Variants in ARID1B observed in about 807,000 individuals in gnomAD.
ARID1B encodes the protein AT-rich interactive domain-containing protein 1B.
Under a neutral mutation model 212.3 loss-of-function variants are expected in ARID1B, and 30 were observed. The observed-to-expected ratio is 0.14, with a 90% CI of 0.11 to 0.19. The LOEUF is 0.19. ARID1B is among the 10% of genes least tolerant of loss of function. ARID1B has a pLI of 1.00. For missense variants in ARID1B, 2,891 were observed against 3,204.0 expected (o/e 0.90, Z 2.36); for synonymous variants, 1,402 against 1,301.7 (o/e 1.08, Z -1.66).
intron 4 of ARID1B, among the ~76,000 whole-genome samples, chr6:157,054,690 G>A (rs57209207): frequency 0.033 from 5,019 of 152,234 alleles, 270 homozygotes; most frequent in African/African-American, 0.11. Context: ...GCTGTGAAAG[G>A]CAAAAGAACC....
chr6:156,957,479 C>T (rs944497386), intron 4 of ARID1B, among the ~76,000 whole-genome samples: 4 of 151,966 alleles, frequency 2.6e-5, no homozygotes, highest in African/African-American at 9.7e-5. Flanking sequence ...TCCTGGCTGC[C>T]AGGACCACCG....
intron 13 of ARID1B, among the ~76,000 whole-genome samples, chr6:157,187,773 A>AT (rs1302638044): frequency 1.3e-5 from 2 of 151,674 alleles, no homozygotes; most frequent in Non-Finnish European, 2.9e-5. Context: ...GAAAAAAAAA[A>AT]CACTGGCAAG....
At chr6:156,929,142 G>A (rs1248010158) in intron 3 of ARID1B, among the ~76,000 whole-genome samples, 1 of 152,130 alleles carries the variant, frequency 6.6e-6, no homozygotes, top group Non-Finnish European at 1.5e-5. Context: ...CTATCTTGTG[G>A]TGGTGTCGTT....
At chr6:157,183,556 C>T (rs147863665) in intron 12 of ARID1B, among the ~76,000 whole-genome samples, 3 of 152,180 alleles carry the variant, frequency 2.0e-5, no homozygotes, top group Non-Finnish European at 2.9e-5. Context: ...AATAATGCCT[C>T]GGATCTTGAC....
chr6:157,133,880 CT>C (rs1166052191), intron 7 of ARID1B, among the ~76,000 whole-genome samples: 2 of 152,148 alleles, frequency 1.3e-5, no homozygotes, highest in Admixed American at 1.3e-4. Flanking sequence ...ACACAGCATC[CT>C]TTTATCAAGG....
intron 8 of ARID1B, among the ~76,000 whole-genome samples, chr6:157,157,638 A>G (rs1256714937): frequency 6.6e-6 from 1 of 152,238 alleles, no homozygotes; most frequent in Non-Finnish European, 1.5e-5. Context: ...AGTAAGGAGT[A>G]TGAGAAGCAA....
At position 157,074,723 on chromosome 6, in the gene ARID1B, ATGCTGTC is replaced by A. The variant is rs1408342297; in HGVS notation, c.2248-9937_2248-9931del. On this transcript the variant is annotated intron_variant, in intron 4 of 19. Coordinates refer to ENST00000636930, the MANE Select transcript of ARID1B (RefSeq NM_001374828.1). ...CTTTGGGAGTCCCATGTCTTATTTTATGCTGTCTTTGAGACTCTTTATAGTGGAGTGA... is the reference window on the plus strand; with the variant it reads ...CTTTGGGAGTCCCATGTCTTATTTTATTTGAGACTCTTTATAGTGGAGTGA... 1.2e-4 allele frequency among the ~76,000 whole-genome samples: 19 copies of A among 152,246 alleles called. No individual in the cohort carries two copies. In the East Asian group the frequency reaches 3.3e-3, roughly 26 times the overall value.
At chr6:156,839,425 C>A (rs533998546) in intron 2 of ARID1B, among the ~76,000 whole-genome samples, 28 of 152,188 alleles carry the variant, frequency 1.8e-4, no homozygotes, top group African/African-American at 6.5e-4. Context: ...TCCTGAAGTC[C>A]CTACCTCCAG....
chr6:156,855,073 G>A (rs1784823318), intron 2 of ARID1B, among the ~76,000 whole-genome samples: 1 of 152,154 alleles, frequency 6.6e-6, no homozygotes, highest in African/African-American at 2.4e-5. Context: ...ATTTCATGAA[G>A]CATAAAATTC....
intron 1 of ARID1B, among the ~76,000 whole-genome samples, chr6:156,828,981 T>C (rs1467470257): frequency 6.6e-6 from 1 of 152,226 alleles, no homozygotes; most frequent in African/African-American, 2.4e-5. Flanking sequence ...CAAAATCGTT[T>C]TTAGTTTTGT....
chr6:157,142,191 CA>C (rs1432002220), intron 7 of ARID1B, among the ~76,000 whole-genome samples: 1 of 152,054 alleles, frequency 6.6e-6, no homozygotes, highest in Non-Finnish European at 1.5e-5. Context: ...CAGTGGTTGC[CA>C]GGGGGTGGCA....
In ARID1B at chr6:156,850,337, A is replaced by G. The variant is rs149152457; in HGVS notation, c.1986+20916A>G. 1.6e-3 allele frequency among the ~76,000 whole-genome samples: 244 copies of G among 152,260 alleles called. 1 individual carries two copies. Among genetic ancestry groups the G allele is most frequent in the African/African-American group, 5.8e-3 (240 of 41,558 alleles). Reference sequence around the variant, plus strand: ...ATTTTGGGTGATTTTGGACGCCAGTATTCTTATTTAGGATTGAATTCTCAC... The same window carrying G: ...ATTTTGGGTGATTTTGGACGCCAGTGTTCTTATTTAGGATTGAATTCTCAC... On this transcript the variant is annotated intron_variant, in intron 2 of 19. Transcript: ENST00000636930.
intron 4 of ARID1B, among the ~76,000 whole-genome samples, chr6:157,002,189 A>G (rs1055249354): frequency 1.3e-5 from 2 of 152,222 alleles, no homozygotes; most frequent in African/African-American, 4.8e-5. Context: ...TAATTATGAT[A>G]CAACTTGATA....
chr6:156,925,800 T>C (rs1791168321), intron 3 of ARID1B, among the ~76,000 whole-genome samples: 1 of 152,162 alleles, frequency 6.6e-6, no homozygotes, highest in South Asian at 2.1e-4. Context: ...TTAGTAGTCT[T>C]CTGAACAGAT....
chr6:157,165,554 TAAA>T (rs71841654), intron 8 of ARID1B, among the ~76,000 whole-genome samples: 1 of 148,962 alleles, frequency 6.7e-6, no homozygotes, highest in Non-Finnish European at 1.5e-5. Flanking sequence ...ACAGTATATT[TAAA>T]AAAAAAAATG....
chr6:156,857,866 C>T (rs1785058752), intron 2 of ARID1B, among the ~76,000 whole-genome samples: 1 of 152,206 alleles, frequency 6.6e-6, no homozygotes, highest in Non-Finnish European at 1.5e-5. Flanking sequence ...GGCTGCAAAC[C>T]TGTGCTGCAT....
chr6:156,887,758 A>G (rs1463459224), intron 2 of ARID1B, among the ~76,000 whole-genome samples: 1 of 148,960 alleles, frequency 6.7e-6, no homozygotes, highest in Middle Eastern at 3.5e-3. Flanking sequence ...CAATTCTTTC[A>G]TTTGAAAAAA....
chr6:157,106,057 A>G (rs1406908794), intron 5 of ARID1B, among the ~76,000 whole-genome samples: 1 of 152,208 alleles, frequency 6.6e-6, no homozygotes, highest in African/African-American at 2.4e-5. Context: ...ATCCCACTTC[A>G]GGGAATTTTC....
intron 8 of ARID1B, among the ~76,000 whole-genome samples, chr6:157,161,953 A>T (rs921813676): frequency 6.6e-6 from 1 of 152,222 alleles, no homozygotes; most frequent in African/African-American, 2.4e-5. Context: ...CATTCCGAAC[A>T]TAACTCAAGG....
Sources: gnomAD v4.1 joint callset for allele counts (sites outside exome capture counted in the v4.1 genomes callset) on GRCh38, gnomAD v4.1.1 for gene constraint, MANE v1.5 for transcripts, NCBI Gene and HGNC (gene_info 2026-07-23, HGNC 2026-07-21) for gene names.